Variants in CPEB3 observed in about 807,000 individuals in gnomAD.
The protein encoded by CPEB3 is cytoplasmic polyadenylation element binding protein 3.
In CPEB3, 20 loss-of-function variants were observed where a neutral mutation model predicts 67.2. The observed-to-expected ratio is 0.30, with a 90% CI of 0.21 to 0.43. The LOEUF is 0.43. CPEB3 is among the 20% of genes least tolerant of loss of function. The probability of loss-of-function intolerance (pLI) is 1.00; values close to 1 mark genes in which losing one functional copy is unlikely to be tolerated. For synonymous variants in CPEB3, 376 were observed against 393.1 expected, an observed-to-expected ratio of 0.96 and a Z score of 0.51; for missense variants, 746 against 968.6, an observed-to-expected ratio of 0.77 and a Z score of 3.05.
chr10:92,208,943 A>G (rs1423858077), intron 2 of CPEB3, among the ~76,000 whole-genome samples: 1 of 152,124 alleles, frequency 6.6e-6, no homozygotes, highest in Non-Finnish European at 1.5e-5. Flanking sequence ...AATTCCTAGC[A>G]TATGGCTCTG....
intron 4 of CPEB3, among the ~76,000 whole-genome samples, chr10:92,160,845 G>C (rs1421293202): frequency 6.6e-6 from 1 of 152,214 alleles, no homozygotes; most frequent in Non-Finnish European, 1.5e-5. Context: ...GCAGCATGTT[G>C]AATTGGGGAC....
At chr10:92,227,263 C>T (rs1204731765) in intron 2 of CPEB3, among the ~76,000 whole-genome samples, 1 of 152,172 alleles carries the variant, frequency 6.6e-6, no homozygotes, top group Non-Finnish European at 1.5e-5. Context: ...CCCTAATTCA[C>T]AAGAACGTGT....
chr10:92,245,289 C>T (rs1295993996), intron 1 of CPEB3, among the ~76,000 whole-genome samples: 2 of 151,936 alleles, frequency 1.3e-5, no homozygotes, highest in African/African-American at 4.8e-5. Flanking sequence ...AGGCGCATGC[C>T]ACCATGCCCA....
chr10:92,256,451 G>A (rs886854104), intron 1 of CPEB3, among the ~76,000 whole-genome samples: 8 of 150,116 alleles, frequency 5.3e-5, no homozygotes, highest in Non-Finnish European at 1.0e-4. Context: ...GTGCGGTGGC[G>A]CATCTTGGCT....
intron 2 of CPEB3, chr10:92,216,834 C>G: frequency 4.4e-6 from 7 of 1,590,944 alleles, no homozygotes; most frequent in Non-Finnish European, 6.0e-6. Context: ...CTGGAAGCTA[C>G]TGGGCTGACG....
intron 2 of CPEB3, among the ~76,000 whole-genome samples, chr10:92,202,511 T>C (rs1849566639): frequency 6.8e-6 from 1 of 147,736 alleles, no homozygotes; most frequent in Admixed American, 6.9e-5. Context: ...CCCACAAAAA[T>C]TATAAATTAT....
In CPEB3 at chr10:92,181,023, A is replaced by G; in HGVS notation, c.1166-4T>C. On this transcript the variant is annotated splice_region_variant and splice_polypyrimidine_tract_variant and intron_variant, in intron 3 of 9. Transcript: ENST00000265997. Reference sequence around the variant, plus strand: ...TGGAAATTTATCCCCATGCGTCCTAAAAAATAAAATAATTTTAAGCAAAAA... The same window carrying G: ...TGGAAATTTATCCCCATGCGTCCTAGAAAATAAAATAATTTTAAGCAAAAA... The G allele has an allele frequency of 6.8e-7, 1 of 1,475,532 alleles. No homozygotes were observed. The highest frequency in any genetic ancestry group is 9.5e-7 in the Non-Finnish European group (1 of 1,055,926). 91.4% of individuals were successfully genotyped at this position (1,475,532 alleles called of 1,614,324 possible). A position where few individuals can be genotyped will look rare whatever the true frequency, so the allele number is the denominator to read the frequency against.
chr10:92,185,338 C>T (rs1848638156), intron 3 of CPEB3, among the ~76,000 whole-genome samples: 1 of 152,060 alleles, frequency 6.6e-6, no homozygotes, highest in South Asian at 2.1e-4. Flanking sequence ...CCCACTTTCC[C>T]CACTGCACAG....
At chr10:92,254,551 T>C (rs377764861) in intron 1 of CPEB3, among the ~76,000 whole-genome samples, 7 of 152,328 alleles carry the variant, frequency 4.6e-5, no homozygotes, top group African/African-American at 1.7e-4. Context: ...TTTGTTAGTC[T>C]TGGGTTAATT....
chr10:92,145,201 T>C (rs949699761), intron 4 of CPEB3, 116 bp from the exon 5 acceptor site: 10 of 1,180,604 alleles, frequency 8.5e-6, no homozygotes, highest in South Asian at 3.0e-5. Context: ...GAGAGAAGCA[T>C]ACAAAAAAAA....
At chr10:92,168,372 TATTATGAGATAAAA>T (rs1437605157) in intron 4 of CPEB3, among the ~76,000 whole-genome samples, 1 of 152,188 alleles carries the variant, frequency 6.6e-6, no homozygotes, top group Non-Finnish European at 1.5e-5. Context: ...TTAATAAAGA[TATTATGAGATAAAA>T]AGTATGAGAT....
Position 92,239,655 on chromosome 10 carries a change from T to C in CPEB3, c.696A>G (p.Ala232=), listed in dbSNP as rs1358258224. The C allele has an allele frequency of 6.4e-7, 1 of 1,562,362 alleles. No individual in the cohort carries two copies. Among genetic ancestry groups the C allele is most frequent in the African/African-American group, 1.4e-5 (1 of 73,518 alleles). ...TGGACGAGGCCGACGAGGCGGCGGC[T>C]GCGGCAGCAGCGGCTGCAACCGCCG... ...SSSAVAAAAA[A]AAASSASSSW... Residue 232 remains alanine (A), a synonymous_variant, in exon 2 of 10, where the codon GCA becomes GCG. Coordinates refer to ENST00000265997, the MANE Select transcript of CPEB3 (RefSeq NM_014912.5). The surrounding 1 kb of genome is among the most constrained non-coding windows in gnomAD (Gnocchi z 6.0).
Position 92,191,004 on chromosome 10 carries a change from T to C in CPEB3, c.1165+1473A>G, listed in dbSNP as rs76498334. Among the ~76,000 whole-genome samples, 1,039 of 152,354 alleles carry C rather than the reference T, an allele frequency of 6.8e-3. 9 individuals are homozygous for C. The highest frequency in any genetic ancestry group is 0.024 in the African/African-American group (983 of 41,586). ...AGAAGCATGGATAATGCTTATCATA[T>C]GAGAATTAGACGAATAATACACCAT... On this transcript the variant is annotated intron_variant, in intron 3 of 9. Transcript: ENST00000265997.
intron 1 of CPEB3, among the ~76,000 whole-genome samples, chr10:92,283,007 T>G (rs986072244): frequency 1.3e-5 from 2 of 152,148 alleles, no homozygotes; most frequent in Non-Finnish European, 2.9e-5. Context: ...TCCCAGAACT[T>G]TGGGAGGCCA....
intron 1 of CPEB3, among the ~76,000 whole-genome samples, chr10:92,269,921 C>T (rs763120145): frequency 3.3e-5 from 5 of 151,454 alleles, no homozygotes; most frequent in East Asian, 1.9e-4. Context: ...TTCGGTGATA[C>T]GACAGAAAAG....
At chr10:92,068,304 C>A (rs1263336296) in intron 9 of CPEB3, among the ~76,000 whole-genome samples, 1 of 152,108 alleles carries the variant, frequency 6.6e-6, no homozygotes, top group Non-Finnish European at 1.5e-5. Context: ...AGTCCAAAAC[C>A]AAGTGCTAGT....
At chr10:92,057,007 C>A (rs893184264) in intron 9 of CPEB3, among the ~76,000 whole-genome samples, 1 of 152,206 alleles carries the variant, frequency 6.6e-6, no homozygotes, top group African/African-American at 2.4e-5. Context: ...GAAGGAAGGA[C>A]CCAGTCCTGG....
At chr10:92,192,722 T>C (rs1464468879) in intron 2 of CPEB3, 86 bp from the exon 3 acceptor site, 2 of 996,410 alleles carry the variant, frequency 2.0e-6, no homozygotes, top group Non-Finnish European at 2.8e-6. Context: ...TGTGGATTGA[T>C]GACATGAATG....
At chr10:92,067,413 T>C (rs1399836968) in intron 9 of CPEB3, among the ~76,000 whole-genome samples, 6 of 149,476 alleles carry the variant, frequency 4.0e-5, no homozygotes, top group African/African-American at 1.5e-4. Flanking sequence ...GGCAGGAGAA[T>C]CTCTTGAACC....
Sources: gnomAD v4.1 joint callset for allele counts (sites outside exome capture counted in the v4.1 genomes callset) on GRCh38, gnomAD v4.1.1 for gene constraint, Gnocchi (gnomAD v3.1) non-coding constraint, MANE v1.5 for transcripts, NCBI Gene and HGNC (gene_info 2026-07-23, HGNC 2026-07-21) for gene names.